ELAVL4: variants seen among roughly 807,000 people sequenced by gnomAD.
ELAVL4 encodes ELAV-like protein 4.
In ELAVL4, 1 loss-of-function variant was observed where a neutral mutation model predicts 35.6. That is an observed-to-expected ratio of 0.03 (90% confidence interval 0.01 to 0.13). The LOEUF is 0.13. Ranked by LOEUF, ELAVL4 falls within the 10% of genes least tolerant of loss-of-function variation. The pLI is 1.00. For synonymous variants in ELAVL4, 156 were observed against 171.0 expected (o/e 0.91, Z 0.69); for missense variants, 267 against 464.9 (o/e 0.57, Z 3.91).
At chr1:50,088,066 C>T (rs1291215203) in intron 1 of ELAVL4, among the ~76,000 whole-genome samples, 3 of 152,176 alleles carry the variant, frequency 2.0e-5, no homozygotes, top group Admixed American at 6.6e-5. Context: ...TCCTTTGAGG[C>T]TCTGTGTGCC....
rs190120024 is a variant in ELAVL4 at position 50,048,467 on chromosome 1, A to G, written c.18+285A>G. On this transcript the variant is annotated intron_variant, in intron 1 of 6. Transcript: ENST00000448907. The stretch of plus-strand genomic sequence containing the variant: ...GAGACTTCCCGGCCCCAGGGGAGAG[A>G]GCTGAAACTTGGGTTGACGCGCGCC... Among the ~76,000 whole-genome samples the G allele has an allele frequency of 3.9e-4, 59 of 152,046 alleles. 1 individual carries two copies. In the East Asian group the frequency reaches 0.011, roughly 29 times the overall value.
chr1:50,190,259 G>A (rs1682463003), intron 3 of ELAVL4, among the ~76,000 whole-genome samples: 1 of 152,206 alleles, frequency 6.6e-6, no homozygotes, highest in Admixed American at 6.5e-5. Context: ...CAGGCCACTG[G>A]CCCAGGGGCA....
intron 1 of ELAVL4, chr1:50,109,934 A>G (rs758461484): frequency 6.2e-7 from 1 of 1,612,288 alleles, no homozygotes; most frequent in East Asian, 2.2e-5. Context: ...TCTTCTTCTG[A>G]TCACAGATGG....
At chr1:50,099,547 C>T (rs1172605463), upstream of ELAVL4, among the ~76,000 whole-genome samples, 16 of 119,400 alleles carry the variant, frequency 1.3e-4, no homozygotes, top group Non-Finnish European at 2.1e-4. Context: ...GGTGACAGAG[C>T]GAAACTCCGC....
chr1:50,147,334 C>A (rs1230654261), intron 2 of ELAVL4, among the ~76,000 whole-genome samples: 2 of 152,158 alleles, frequency 1.3e-5, no homozygotes, highest in East Asian at 3.8e-4. Flanking sequence ...TTATTAAATT[C>A]TTCATTTACA....
chr1:50,071,553 A>G (rs544724727), intron 1 of ELAVL4, among the ~76,000 whole-genome samples: 1 of 152,334 alleles, frequency 6.6e-6, no homozygotes. Flanking sequence ...TACACAAAAG[A>G]TGCCTTTTGT....
intron 3 of ELAVL4, among the ~76,000 whole-genome samples, chr1:50,181,717 C>T (rs540595170): frequency 6.6e-6 from 1 of 152,116 alleles, no homozygotes; most frequent in East Asian, 1.9e-4. Flanking sequence ...GAGTTTCACT[C>T]TTGTTGCCCA....
rs971417184 is a variant in ELAVL4 at position 50,145,114 on chromosome 1, A to G, written c.167A>G (p.Asn56Ser). ...TNLIVNYLPQ[N>S]MTQEEFRSLF... ...CTCATCGTCAACTATTTACCCCAGA[A>G]TATGACCCAAGAAGAATTCAGGAGT... The change falls in exon 2 of 7, where the codon AAT becomes AGT. Residue 56 changes from asparagine (N) to serine (S), a missense_variant. Physicochemically the swap from Asn to Ser is conservative, Grantham distance 46. Around this residue, in one of 2 missense-constraint regions of ELAVL4, gnomAD observed 216 missense variants for 409.5 expected, o/e 0.53. Coordinates refer to ENST00000371824, the MANE Select transcript of ELAVL4 (RefSeq NM_001144774.3). The G allele has an allele frequency of 1.2e-6, 2 of 1,614,070 alleles. No homozygotes were observed. Among genetic ancestry groups the G allele is most frequent in the Non-Finnish European group, 1.7e-6 (2 of 1,179,954 alleles).
chr1:50,048,237 C>T (rs1663170761), intron 1 of ELAVL4: 13 of 1,458,308 alleles, frequency 8.9e-6, no homozygotes, highest in African/African-American at 1.5e-5. Context: ...CCCTCTGTTA[C>T]GGACACCCGC....
intron 1 of ELAVL4, among the ~76,000 whole-genome samples, chr1:50,116,473 C>T (rs1245085066): frequency 2.0e-5 from 3 of 151,158 alleles, no homozygotes; most frequent in African/African-American, 7.3e-5. Flanking sequence ...CCCCGGTGTG[C>T]CGTGGGATGT....
At chr1:50,189,591 T>C (rs891254949) in intron 3 of ELAVL4, among the ~76,000 whole-genome samples, 4 of 152,202 alleles carry the variant, frequency 2.6e-5, no homozygotes, top group African/African-American at 4.8e-5. Context: ...CATTCCCTGG[T>C]AGTGTTCCAC....
intron 3 of ELAVL4, among the ~76,000 whole-genome samples, chr1:50,188,748 T>G (rs1371765398): frequency 6.6e-6 from 1 of 152,322 alleles, no homozygotes; most frequent in Non-Finnish European, 1.5e-5. Context: ...CAGGCAGCAT[T>G]TGAGCCTCAC....
chr1:50,164,513 G>T (rs905075215), intron 2 of ELAVL4, among the ~76,000 whole-genome samples: 1 of 152,184 alleles, frequency 6.6e-6, no homozygotes, highest in African/African-American at 2.4e-5. Context: ...AATATTAGAA[G>T]GGACTTTGAG....
chr1:50,066,134 A>G (rs1243032257), intron 1 of ELAVL4, among the ~76,000 whole-genome samples: 1 of 152,168 alleles, frequency 6.6e-6, no homozygotes, highest in African/African-American at 2.4e-5. Context: ...CTAGTTTTGC[A>G]GTTGATCTAC....
chr1:50,096,895 A>G (rs567362706), intron 1 of ELAVL4, among the ~76,000 whole-genome samples: 2 of 152,266 alleles, frequency 1.3e-5, no homozygotes, highest in South Asian at 2.1e-4. Context: ...AATGATTTTA[A>G]CCAACCATCT....
chr1:50,051,067 T>C (rs1001070764), intron 1 of ELAVL4, among the ~76,000 whole-genome samples: 1 of 152,146 alleles, frequency 6.6e-6, no homozygotes, highest in Non-Finnish European at 1.5e-5. Context: ...AGCCAAAAAT[T>C]ATTAATAAAA....
At chr1:50,150,205 G>A (rs1167445633) in intron 2 of ELAVL4, among the ~76,000 whole-genome samples, 1 of 152,170 alleles carries the variant, frequency 6.6e-6, no homozygotes, top group African/African-American at 2.4e-5. Context: ...AAAAAATTCA[G>A]TCAGTTAGAG....
chr1:50,195,971 C>T (rs912582139), intron 5 of ELAVL4, among the ~76,000 whole-genome samples, 185 bp downstream of exon 5: 17 of 152,154 alleles, frequency 1.1e-4, no homozygotes, highest in Non-Finnish European at 2.4e-4. Context: ...GAGCAGATGC[C>T]CTTCTAAGCC....
chr1:50,092,156 T>C (rs1003300634), intron 1 of ELAVL4, among the ~76,000 whole-genome samples: 2 of 152,224 alleles, frequency 1.3e-5, no homozygotes, highest in African/African-American at 2.4e-5. Flanking sequence ...AAATAAATGA[T>C]GGATACAAGT....
Sources: allele counts gnomAD v4.1 joint callset (sites outside exome capture counted in the v4.1 genomes callset), GRCh38; gene constraint gnomAD v4.1.1; regional missense constraint gnomAD v4.1.1; transcripts MANE v1.5; gene names NCBI Gene and HGNC (gene_info 2026-07-23, HGNC 2026-07-21).